The following EIF4G3 variants were observed in gnomAD, a reference collection of about 807,000 sequenced individuals.
EIF4G3 encodes eIF-4-gamma 3.
In EIF4G3, 34 loss-of-function variants were observed where a neutral mutation model predicts 186.4. The observed-to-expected ratio is 0.18, with a 90% confidence interval of 0.14 to 0.24. The LOEUF (loss-of-function observed/expected upper bound fraction) is 0.24, where lower values mean the gene tolerates loss of function less well. EIF4G3 is among the 10% of genes least tolerant of loss of function. The pLI is 1.00. For missense variants in EIF4G3, 1,536 were observed against 1,948.5 expected (o/e 0.79, Z 3.99); for synonymous variants, 673 against 679.5 (o/e 0.99, Z 0.15).
In EIF4G3 at chr1:20,810,628, A is replaced by G. The variant is rs2059061169; in HGVS notation, c.4744+110T>C. 4 of 1,265,842 alleles carry G rather than the reference A, an allele frequency of 3.2e-6. No homozygotes were observed. Among genetic ancestry groups the G allele is most frequent in the African/African-American group, 1.5e-5 (1 of 67,546 alleles). 78.4% of individuals were successfully genotyped at this position (1,265,842 alleles called of 1,614,324 possible). The stretch of plus-strand genomic sequence containing the variant: ...AAAGTTAGTTATATGAGTTTGTGTT[A>G]TTAGTGATTCTTTTATTGTCCTTTG... On this transcript the variant is annotated intron_variant, in intron 36 of 36. Transcript: ENST00000602326. This position sits in a 1 kb window ranked among gnomAD's most constrained non-coding sequence, Gnocchi z 4.1.
rs1216362150 is a variant in EIF4G3 at position 21,053,216 on chromosome 1, G to A, written c.-195-2222C>T. On this transcript the variant is annotated intron_variant, in intron 3 of 36. Transcript: ENST00000602326. The stretch of plus-strand genomic sequence containing the variant: ...CCACCCCGTCTGGGATGTGAGGAGC[G>A]TCTCTGCCCGGCCGCCCCGTCTGAG... Among the ~76,000 whole-genome samples the A allele has an allele frequency of 1.2e-3, 176 of 151,654 alleles. 1 individual carries two copies. The highest frequency in any genetic ancestry group is 0.011 in the Admixed American group (170 of 15,262).
chr1:21,057,016 A>T (rs1001816375), intron 3 of EIF4G3, among the ~76,000 whole-genome samples: 6 of 152,206 alleles, frequency 3.9e-5, no homozygotes, highest in Non-Finnish European at 5.9e-5. Context: ...ATATTTTTGC[A>T]TTGGTAACAA....
intron 3 of EIF4G3, among the ~76,000 whole-genome samples, chr1:21,086,730 A>AG (rs1197164136): frequency 6.6e-6 from 1 of 152,012 alleles, no homozygotes; most frequent in Non-Finnish European, 1.5e-5. Context: ...ACTTGAGGTC[A>AG]GGAGTTCGAG....
intron 12 of EIF4G3, among the ~76,000 whole-genome samples, chr1:20,965,335 C>T (rs151315029): frequency 2.2e-4 from 33 of 152,306 alleles, no homozygotes; most frequent in African/African-American, 5.3e-4. Flanking sequence ...CATGAAGAGG[C>T]ATCCCTGACT....
At chr1:20,905,245 G>T (rs552623970) in intron 14 of EIF4G3, among the ~76,000 whole-genome samples, 3 of 152,136 alleles carry the variant, frequency 2.0e-5, no homozygotes, top group African/African-American at 7.2e-5. Flanking sequence ...AACATGTGAT[G>T]AGTACATACA....
intron 2 of EIF4G3, chr1:21,175,361 T>C (rs1306978543): frequency 6.6e-6 from 1 of 152,234 alleles, no homozygotes; most frequent in African/African-American, 2.4e-5. Context: ...CATTCAATAC[T>C]AGACTTTCCT....
At chr1:20,911,818 CTT>C (rs1419133244) in intron 14 of EIF4G3, among the ~76,000 whole-genome samples, 1 of 150,748 alleles carries the variant, frequency 6.6e-6, no homozygotes, top group Non-Finnish European at 1.5e-5. Flanking sequence ...CTTTTATTTC[CTT>C]TCTCTCTCCC....
At chr1:21,123,557 T>C (rs2096965176) in intron 2 of EIF4G3, among the ~76,000 whole-genome samples, 1 of 139,304 alleles carries the variant, frequency 7.2e-6, no homozygotes, top group South Asian at 2.3e-4. Context: ...ACAGCAAGAC[T>C]GTCTCAAAAA....
intron 4 of EIF4G3, among the ~76,000 whole-genome samples, chr1:21,013,093 T>A (rs1000717168): frequency 2.0e-5 from 3 of 151,974 alleles, no homozygotes; most frequent in Non-Finnish European, 4.4e-5. Context: ...AGGGAAGCTA[T>A]CCCTGACTAT....
intron 14 of EIF4G3, among the ~76,000 whole-genome samples, chr1:20,935,363 T>G (rs1573102139): frequency 6.6e-6 from 1 of 152,296 alleles, no homozygotes. Flanking sequence ...GTACAATAAT[T>G]TTTATTATGA....
At chr1:20,907,598 G>T (rs1185222871) in intron 14 of EIF4G3, among the ~76,000 whole-genome samples, 2 of 140,314 alleles carry the variant, frequency 1.4e-5, no homozygotes, top group Non-Finnish European at 3.0e-5. Flanking sequence ...GTGTCCATAT[G>T]TTCTCACTGT....
chr1:20,861,955 C>T (rs1470758404), intron 23 of EIF4G3, among the ~76,000 whole-genome samples: 2 of 151,526 alleles, frequency 1.3e-5, no homozygotes, highest in Non-Finnish European at 2.9e-5. Flanking sequence ...GCCTGGGCGA[C>T]AGAGTGAGAC....
intron 2 of EIF4G3, among the ~76,000 whole-genome samples, chr1:21,099,499 A>G (rs2096467135): frequency 6.6e-6 from 1 of 152,238 alleles, no homozygotes; most frequent in African/African-American, 2.4e-5. Context: ...ATTTTAAGTA[A>G]AAGAAGCTAG....
chr1:21,044,898 G>C (rs1486473214), intron 4 of EIF4G3, among the ~76,000 whole-genome samples: 1 of 152,132 alleles, frequency 6.6e-6, no homozygotes, highest in Admixed American at 6.5e-5. Context: ...GTGAGGCTGA[G>C]GCTGGAGGAC....
intron 30 of EIF4G3, among the ~76,000 whole-genome samples, chr1:20,829,993 T>C (rs2064677950): frequency 6.6e-6 from 1 of 152,178 alleles, no homozygotes; most frequent in Non-Finnish European, 1.5e-5. Context: ...TTTGGAAGTA[T>C]AAACAAACAA....
intron 10 of EIF4G3, among the ~76,000 whole-genome samples, chr1:20,975,104 C>A (rs543448757): frequency 6.6e-6 from 1 of 151,908 alleles, no homozygotes; most frequent in Non-Finnish European, 1.5e-5. Context: ...AAGATCTAAG[C>A]AGAGGGCATG....
intron 3 of EIF4G3, among the ~76,000 whole-genome samples, chr1:21,072,505 G>A (rs2095473282): frequency 6.6e-6 from 1 of 152,086 alleles, no homozygotes; most frequent in Admixed American, 6.6e-5. Flanking sequence ...CCAGGTTCAC[G>A]CCATTCTCCT....
intron 13 of EIF4G3, among the ~76,000 whole-genome samples, chr1:20,947,293 A>G (rs1485535421): frequency 6.6e-6 from 1 of 152,000 alleles, no homozygotes. Flanking sequence ...GCAGTGAGCC[A>G]TGATCGTGTC....
chr1:20,844,081 T>C (rs965105263), intron 29 of EIF4G3, among the ~76,000 whole-genome samples: 1 of 152,208 alleles, frequency 6.6e-6, no homozygotes. Flanking sequence ...GTTGATTGCA[T>C]GTTTTTGCTA....
Sources: gnomAD v4.1 joint callset for allele counts (sites outside exome capture counted in the v4.1 genomes callset) on GRCh38, gnomAD v4.1.1 for gene constraint, Gnocchi (gnomAD v3.1) non-coding constraint, MANE v1.5 for transcripts, NCBI Gene and HGNC (gene_info 2026-07-23, HGNC 2026-07-21) for gene names.